The following SNX8 variants were observed in gnomAD, a reference collection of about 807,000 sequenced individuals.
The protein encoded by SNX8 is sorting nexin 8.
A neutral mutation model predicts 51.6 loss-of-function variants in SNX8; 25 were observed. The ratio of observed to expected loss-of-function variants is 0.48; its 90% CI spans 0.35 to 0.68. The LOEUF (loss-of-function observed/expected upper bound fraction) is 0.68. SNX8 is among the 30% of genes least tolerant of loss of function. The pLI, the probability that SNX8 is intolerant of heterozygous loss-of-function variation, is 0.00. For missense variants in SNX8, 695 were observed against 624.0 expected, an observed-to-expected ratio of 1.11 and a Z score of -1.21; for synonymous variants, 324 against 277.0, an observed-to-expected ratio of 1.17 and a Z score of -1.68.
chr7:2,323,676 G>A (rs1401445749), intron 1 of SNX8, among the ~76,000 whole-genome samples: 1 of 152,196 alleles, frequency 6.6e-6, no homozygotes, highest in African/African-American at 2.4e-5. Flanking sequence ...CAGTGATGTG[G>A]TCTCGCTCAA....
chr7:2,301,348 C>T (rs906725308), intron 1 of SNX8, among the ~76,000 whole-genome samples: 1 of 152,218 alleles, frequency 6.6e-6, no homozygotes, highest in Non-Finnish European at 1.5e-5. Context: ...CATATGAATA[C>T]AAGGCAGGCC....
At chr7:2,347,024 G>C (rs1461263287) in intron 1 of SNX8, among the ~76,000 whole-genome samples, 2 of 151,950 alleles carry the variant, frequency 1.3e-5, no homozygotes, top group African/African-American at 4.8e-5. Context: ...AAGCATCATA[G>C]GGCAGAAAGT....
intron 1 of SNX8, among the ~76,000 whole-genome samples, chr7:2,313,523 C>CAAA (rs371626274): frequency 9.3e-6 from 1 of 108,090 alleles, no homozygotes; most frequent in Non-Finnish European, 2.2e-5. Flanking sequence ...GAATCTGTCT[C>CAAA]AAAAAAAAAA....
chr7:2,259,999 G>A (rs1795296175), intron 7 of SNX8, among the ~76,000 whole-genome samples: 2 of 151,984 alleles, frequency 1.3e-5, no homozygotes, highest in South Asian at 4.2e-4. Context: ...AACAAAAAAG[G>A]AAAAAAGAAA....
chr7:2,266,424 C>T (rs1795466004), intron 5 of SNX8, among the ~76,000 whole-genome samples: 1 of 151,822 alleles, frequency 6.6e-6, no homozygotes, highest in Non-Finnish European at 1.5e-5. Context: ...TTGGCTCACT[C>T]CAACCTCTTC....
chr7:2,262,439 T>C (rs763255373), intron 7 of SNX8, among the ~76,000 whole-genome samples: 70 of 152,330 alleles, frequency 4.6e-4, no homozygotes, highest in Non-Finnish European at 8.5e-4. Context: ...TCCAAGATCT[T>C]GGCGAATTTC....
intron 1 of SNX8, among the ~76,000 whole-genome samples, chr7:2,303,995 TAA>T (rs202185394): frequency 7.7e-5 from 11 of 143,642 alleles, no homozygotes; most frequent in East Asian, 4.0e-4. Context: ...AATAAAAACT[TAA>T]AAAAAAAAAA....
chr7:2,319,105 G>A (rs1300183903), upstream of SNX8, among the ~76,000 whole-genome samples: 1 of 151,858 alleles, frequency 6.6e-6, no homozygotes, highest in Non-Finnish European at 1.5e-5. Flanking sequence ...TTGGGAGGCC[G>A]AGACCAGCAG....
intron 7 of SNX8, 65 bp from the exon 8 acceptor site, chr7:2,257,868 C>G: frequency 6.7e-7 from 1 of 1,487,922 alleles, no homozygotes; most frequent in Non-Finnish European, 9.4e-7. Context: ...CCCGGGAACT[C>G]AGACCCAAGC....
At chr7:2,321,292 A>C (rs1778507564) in intron 1 of SNX8, among the ~76,000 whole-genome samples, 1 of 152,314 alleles carries the variant, frequency 6.6e-6, no homozygotes, top group Non-Finnish European at 1.5e-5. Context: ...ATACATCGTC[A>C]GCTCCGCTGC....
chr7:2,350,689 T>C (rs1779120267), intron 1 of SNX8, among the ~76,000 whole-genome samples: 1 of 152,056 alleles, frequency 6.6e-6, no homozygotes, highest in Non-Finnish European at 1.5e-5. Context: ...CTCTGTCATT[T>C]AGGTTGGAGT....
chr7:2,274,620 C>T (rs533032007), intron 3 of SNX8, among the ~76,000 whole-genome samples: 2 of 152,374 alleles, frequency 1.3e-5, no homozygotes, highest in South Asian at 4.1e-4. Context: ...GCTGCTTTTT[C>T]TCTCCTGCAA....
intron 1 of SNX8, among the ~76,000 whole-genome samples, chr7:2,338,505 C>G (rs1001221264): frequency 6.7e-6 from 1 of 149,792 alleles, no homozygotes; most frequent in African/African-American, 2.5e-5. Flanking sequence ...CGTGGTGGCG[C>G]AAGCCTGTAG....
At chr7:2,313,619 T>G (rs1178551118) in intron 1 of SNX8, among the ~76,000 whole-genome samples, 1 of 151,660 alleles carries the variant, frequency 6.6e-6, no homozygotes, top group African/African-American at 2.4e-5. Flanking sequence ...TCCCAGCACT[T>G]TGGGAGGCCA....
intron 1 of SNX8, among the ~76,000 whole-genome samples, chr7:2,336,390 G>C (rs759192092): frequency 1.3e-5 from 2 of 151,168 alleles, no homozygotes; most frequent in African/African-American, 2.4e-5. Flanking sequence ...ACTTCAGCCT[G>C]TCTCAAAAAT....
intron 1 of SNX8, among the ~76,000 whole-genome samples, chr7:2,280,477 CAA>C (rs1168122413): frequency 5.8e-5 from 7 of 120,266 alleles, no homozygotes; most frequent in Non-Finnish European, 7.2e-5. Flanking sequence ...GACTCTGTCT[CAA>C]AAAAAAAAAA....
rs1443308216 is a variant in SNX8, at chr7:2,321,466, A to T, written c.-66+32756T>A. On this transcript the variant is annotated intron_variant, in intron 1 of 5. Transcript: ENST00000435336. ...TTTTGAGACGGAGTCTCCCTCTGTC[A>T]CCCAGGCTGGAGTGCAGTGGCGTGA... Among the ~76,000 whole-genome samples the T allele has an allele frequency of 7.0e-5, 10 of 142,276 alleles. 1 individual carries two copies. Among genetic ancestry groups the T allele is most frequent in the Non-Finnish European group, 1.5e-4 (10 of 66,076 alleles). The allele number at this position is 142,276 out of a possible 152,430, so 93.3% of individuals were successfully genotyped here.
In SNX8 at chr7:2,284,383, C is replaced by A. The variant is rs1454015468; in HGVS notation, c.95-6078G>T. ...AATGGAAATCAGGTGTTCATAAACA[C>A]TGCTTTTATTTCCTTTTTTTTTTTT... On this transcript the variant is annotated intron_variant, in intron 1 of 10. Coordinates refer to ENST00000222990, the MANE Select transcript of SNX8 (RefSeq NM_013321.4). Among the ~76,000 whole-genome samples, 10 of 147,142 alleles carry A rather than the reference C, an allele frequency of 6.8e-5. No homozygotes were observed. In the East Asian group the frequency reaches 2.0e-3, roughly 29 times the overall value.
chr7:2,276,318 C>T (rs543837394), intron 2 of SNX8, among the ~76,000 whole-genome samples: 139 of 152,332 alleles, frequency 9.1e-4, no homozygotes, highest in Middle Eastern at 3.4e-3. Flanking sequence ...CCGACTGCGG[C>T]CCAGAGGGCC....
Sources: allele counts gnomAD v4.1 joint callset (sites outside exome capture counted in the v4.1 genomes callset), GRCh38; gene constraint gnomAD v4.1.1; transcripts MANE v1.5; gene names NCBI Gene and HGNC (gene_info 2026-07-23, HGNC 2026-07-21).